Variants in SLC24A2 observed in about 807,000 individuals in gnomAD.
SLC24A2 encodes the protein sodium/potassium/calcium exchanger 2.
A neutral mutation model predicts 62.0 loss-of-function variants in SLC24A2; 36 were observed. The ratio of observed to expected loss-of-function variants is 0.58; its 90% CI spans 0.44 to 0.77. The LOEUF is 0.77. Ranked by LOEUF, SLC24A2 falls within the 30% of genes least tolerant of loss-of-function variation. The pLI is 0.00. For synonymous variants in SLC24A2, 358 were observed against 294.0 expected, an observed-to-expected ratio of 1.22 and a Z score of -2.23; for missense variants, 846 against 817.9, an observed-to-expected ratio of 1.03 and a Z score of -0.42.
the SLC24A2 span, among the ~76,000 whole-genome samples, chr9:20,051,029 G>T: frequency 6.6e-6 from 1 of 152,024 alleles, no homozygotes; most frequent in East Asian, 1.9e-4. Context: ...GTAGATCTAA[G>T]CCCAAATATA....
intron 2 of SLC24A2, among the ~76,000 whole-genome samples, chr9:19,744,090 T>G (rs1386067251): frequency 1.3e-5 from 2 of 152,272 alleles, no homozygotes; most frequent in South Asian, 2.1e-4. Context: ...CTGGCAGAGC[T>G]GCTCTGTGAT....
At chr9:19,598,238 C>T (rs546571767) in intron 4 of SLC24A2, among the ~76,000 whole-genome samples, 1 of 152,314 alleles carries the variant, frequency 6.6e-6, no homozygotes, top group African/African-American at 2.4e-5. Context: ...TCCCAATAAA[C>T]TTCAAGACAT....
chr9:19,788,598 G>C, intron 1 of SLC24A2: 1 of 984,262 alleles, frequency 1.0e-6, no homozygotes, highest in Non-Finnish European at 1.2e-6. Flanking sequence ...GTCGTTTGTA[G>C]GTGGCTGGGG....
At chr9:20,207,464 A>C in the SLC24A2 span, among the ~76,000 whole-genome samples, 3 of 152,220 alleles carry the variant, frequency 2.0e-5, no homozygotes, top group Non-Finnish European at 2.9e-5. Context: ...CTGAACCTTT[A>C]AGATTAAAAT....
the SLC24A2 span, among the ~76,000 whole-genome samples, chr9:20,053,391 G>C: frequency 6.6e-6 from 1 of 151,520 alleles, no homozygotes; most frequent in East Asian, 1.9e-4. Flanking sequence ...TGTCCATTTT[G>C]CATTTTCCTC....
At chr9:19,718,317 G>T (rs1820922135) in intron 2 of SLC24A2, among the ~76,000 whole-genome samples, 2 of 94,790 alleles carry the variant, frequency 2.1e-5, no homozygotes, top group South Asian at 3.8e-4. Flanking sequence ...TTTTTAGACA[G>T]GGTCTGGCTC....
At chr9:20,058,502 C>CACA in the SLC24A2 span, among the ~76,000 whole-genome samples, 1 of 151,306 alleles carries the variant, frequency 6.6e-6, no homozygotes, top group East Asian at 1.9e-4. Context: ...TACACACACA[C>CACA]ACACACACAC....
chr9:19,989,447 A>G, the SLC24A2 span, among the ~76,000 whole-genome samples: 110,666 of 152,060 alleles, frequency 0.73, 41,494 homozygotes, highest in Non-Finnish European at 0.83. Context: ...ATTTTTGATG[A>G]TCATCATAAA....
At chr9:19,949,695 T>G in the SLC24A2 span, among the ~76,000 whole-genome samples, 8 of 152,226 alleles carry the variant, frequency 5.3e-5, no homozygotes, top group African/African-American at 1.9e-4. Flanking sequence ...GGAAGCTGCT[T>G]GCTCTTCACT....
chr9:19,533,191 T>C (rs576963998), intron 8 of SLC24A2, among the ~76,000 whole-genome samples: 21 of 152,296 alleles, frequency 1.4e-4, no homozygotes, highest in African/African-American at 4.8e-4. Context: ...TTCCTTGTAA[T>C]TACTGTCAAG....
the SLC24A2 span, among the ~76,000 whole-genome samples, chr9:19,975,284 A>G: frequency 6.6e-6 from 1 of 152,188 alleles, no homozygotes; most frequent in Non-Finnish European, 1.5e-5. Flanking sequence ...CTGACTATAT[A>G]TTCTGATGTC....
the SLC24A2 span, among the ~76,000 whole-genome samples, chr9:20,077,671 G>C: frequency 6.6e-6 from 1 of 152,144 alleles, no homozygotes; most frequent in Non-Finnish European, 1.5e-5. Context: ...ATACCAAGGA[G>C]TTAATCATTC....
At chr9:20,007,006 G>C in the SLC24A2 span, among the ~76,000 whole-genome samples, 1 of 152,156 alleles carries the variant, frequency 6.6e-6, no homozygotes, top group African/African-American at 2.4e-5. Context: ...ATCACTGTTT[G>C]TGTCAACATC....
chr9:19,876,271 A>T, the SLC24A2 span, among the ~76,000 whole-genome samples: 1 of 152,178 alleles, frequency 6.6e-6, no homozygotes, highest in Non-Finnish European at 1.5e-5. Flanking sequence ...AATCCTGAGG[A>T]TATACAACAG....
chr9:20,115,678 G>A, the SLC24A2 span, among the ~76,000 whole-genome samples: 27 of 152,080 alleles, frequency 1.8e-4, no homozygotes, highest in African/African-American at 6.0e-4. Context: ...AGGATCTGCC[G>A]GTGAAGAACA....
chr9:20,280,711 G>T, the SLC24A2 span, among the ~76,000 whole-genome samples: 1 of 152,182 alleles, frequency 6.6e-6, no homozygotes, highest in Non-Finnish European at 1.5e-5. Context: ...AGCCTTATTG[G>T]TAACAGGGTT....
At chr9:20,018,136 A>G in the SLC24A2 span, among the ~76,000 whole-genome samples, 1 of 152,018 alleles carries the variant, frequency 6.6e-6, no homozygotes. Context: ...TTTAGTAGAG[A>G]TGGGGTTTCA....
chr9:19,920,431 G>C, the SLC24A2 span, among the ~76,000 whole-genome samples: 1 of 152,148 alleles, frequency 6.6e-6, no homozygotes, highest in Admixed American at 6.5e-5. Context: ...CCCAGATGTA[G>C]ACCCTGAGAC....
chr9:19,821,669 C>T, the SLC24A2 span, among the ~76,000 whole-genome samples: 7 of 151,966 alleles, frequency 4.6e-5, no homozygotes, highest in South Asian at 4.1e-4. Context: ...TTTTTAAATG[C>T]CATCCTCATT....
Sources: allele counts gnomAD v4.1 joint callset (sites outside exome capture counted in the v4.1 genomes callset), GRCh38; gene constraint gnomAD v4.1.1; transcripts MANE v1.5; gene names NCBI Gene and HGNC (gene_info 2026-07-23, HGNC 2026-07-21).